Variants in CHN1 observed in about 807,000 individuals in gnomAD.
CHN1 encodes the protein chimerin 1.
A neutral mutation model predicts 59.5 loss-of-function variants in CHN1; 37 were observed. The observed-to-expected ratio is 0.62, with a 90% CI of 0.48 to 0.82. The LOEUF is 0.82. Ranked by LOEUF, CHN1 falls within the 40% of genes least tolerant of loss-of-function variation. CHN1 has a pLI of 0.00. For synonymous variants in CHN1, 206 were observed against 200.4 expected (o/e 1.03, Z -0.24); for missense variants, 469 against 571.0 (o/e 0.82, Z 1.82).
At chr2:174,936,905 C>G (rs2105394891) in intron 3 of CHN1, among the ~76,000 whole-genome samples, 1 of 152,232 alleles carries the variant, frequency 6.6e-6, no homozygotes, top group South Asian at 2.1e-4. Context: ...GCCTGGTCAT[C>G]TTCTTCCTTT....
intron 2 of CHN1, among the ~76,000 whole-genome samples, chr2:174,949,820 TC>T (rs1482277715): frequency 1.3e-5 from 2 of 152,252 alleles, no homozygotes; most frequent in Admixed American, 6.5e-5. Flanking sequence ...GAAGTTTTTT[TC>T]ATGTGACAAA....
At chr2:174,951,612 A>T (rs1690028194) in intron 2 of CHN1, among the ~76,000 whole-genome samples, 1 of 152,218 alleles carries the variant, frequency 6.6e-6, no homozygotes, top group African/African-American at 2.4e-5. Flanking sequence ...TCTAGAAAAC[A>T]AGGAAAGGAA....
chr2:174,865,519 T>A (rs1228990363), intron 6 of CHN1, among the ~76,000 whole-genome samples: 1 of 152,150 alleles, frequency 6.6e-6, no homozygotes, highest in Admixed American at 6.6e-5. Flanking sequence ...TACCTATCCC[T>A]AAAAGACTGC....
Position 174,944,895 on chromosome 2 carries a change from G to T in CHN1, c.107C>A (p.Thr36Asn). 6.3e-7 allele frequency: 1 copy of T among 1,581,754 alleles called. No homozygotes were observed. The highest frequency in any genetic ancestry group is 8.6e-7 in the Non-Finnish European group (1 of 1,162,184). ...EAPHPRRITC[T>N]CEVENRPKYY... Reference sequence around the variant, plus strand: ...CAGTTTCATTACACCCACCTCGCAAGTACAGGTAATTCTTCGAGGATGAGG... The same window carrying T: ...CAGTTTCATTACACCCACCTCGCAATTACAGGTAATTCTTCGAGGATGAGG... Residue 36 changes from threonine (T) to asparagine (N), a missense_variant, in exon 3 of 13, where the codon ACT becomes AAT. Coordinates refer to ENST00000409900, the MANE Select transcript of CHN1 (RefSeq NM_001822.7).
chr2:174,961,904 G>A (rs1397440475), intron 1 of CHN1, among the ~76,000 whole-genome samples: 2 of 152,126 alleles, frequency 1.3e-5, no homozygotes, highest in Non-Finnish European at 1.5e-5. Flanking sequence ...TCTCCCTCAG[G>A]AGTCCCTGGA....
At chr2:174,933,193 G>C (rs527857825) in intron 3 of CHN1, among the ~76,000 whole-genome samples, 18 of 152,212 alleles carry the variant, frequency 1.2e-4, no homozygotes, top group South Asian at 2.1e-4. Context: ...TATATATATA[G>C]GTATATAGGA....
intron 1 of CHN1, among the ~76,000 whole-genome samples, chr2:174,990,056 A>C (rs1691484866): frequency 6.6e-6 from 1 of 152,142 alleles, no homozygotes; most frequent in Non-Finnish European, 1.5e-5. Flanking sequence ...TACTTGAATA[A>C]AGGTAAAAGA....
chr2:174,827,930 T>A (rs185271478), intron 7 of CHN1, among the ~76,000 whole-genome samples: 11 of 152,244 alleles, frequency 7.2e-5, no homozygotes, highest in African/African-American at 2.6e-4. Flanking sequence ...AGGGGAAGGC[T>A]GACTCATAAG....
intron 3 of CHN1, among the ~76,000 whole-genome samples, chr2:174,931,858 G>C (rs1419766230): frequency 6.6e-6 from 1 of 152,172 alleles, no homozygotes; most frequent in Admixed American, 6.5e-5. Context: ...CGGGAGGGCT[G>C]AGAAAGGATC....
intron 4 of CHN1, among the ~76,000 whole-genome samples, chr2:174,917,086 G>A (rs903763810): frequency 2.0e-5 from 3 of 152,046 alleles, no homozygotes; most frequent in East Asian, 3.8e-4. Context: ...CCAGCTACTC[G>A]GGAGGCTGAG....
intron 1 of CHN1, among the ~76,000 whole-genome samples, chr2:174,955,142 ATC>A (rs1360197407): frequency 2.9e-5 from 4 of 138,580 alleles, no homozygotes; most frequent in African/African-American, 8.5e-5. Flanking sequence ...AGATCTATAT[ATC>A]TCTATATATC....
intron 3 of CHN1, among the ~76,000 whole-genome samples, chr2:174,923,820 T>C (rs1689086259): frequency 6.6e-6 from 1 of 152,248 alleles, no homozygotes. Context: ...ATTATGGTCT[T>C]ACATTACTAA....
At chr2:174,889,580 A>C (rs775903343) in intron 5 of CHN1, among the ~76,000 whole-genome samples, 13 of 152,296 alleles carry the variant, frequency 8.5e-5, no homozygotes, top group South Asian at 2.1e-4. Context: ...GAATACAATA[A>C]ATGGATTAAA....
At chr2:174,885,283 G>GAAAA (rs1296078594) in intron 5 of CHN1, among the ~76,000 whole-genome samples, 3,469 of 145,862 alleles carry the variant, frequency 0.024, 126 homozygotes, top group African/African-American at 0.082. Flanking sequence ...TCAAAAAAAA[G>GAAAA]AAAAAAAAAT....
intron 11 of CHN1, among the ~76,000 whole-genome samples, chr2:174,807,559 T>A (rs1343417203): frequency 6.7e-6 from 1 of 150,006 alleles, no homozygotes; most frequent in Non-Finnish European, 1.5e-5. Flanking sequence ...AGAGGAAATG[T>A]CTGCCCCATG....
At chr2:174,931,751 T>C (rs767150053) in intron 3 of CHN1, among the ~76,000 whole-genome samples, 2 of 152,214 alleles carry the variant, frequency 1.3e-5, no homozygotes, top group South Asian at 2.1e-4. Flanking sequence ...TAATTCCTAA[T>C]ATAGTGGTCA....
chr2:174,859,738 C>A (rs1208781486), intron 6 of CHN1, among the ~76,000 whole-genome samples: 1 of 152,264 alleles, frequency 6.6e-6, no homozygotes, highest in South Asian at 2.1e-4. Context: ...ACTTCCCTAT[C>A]CTCTCTCTAC....
chr2:174,963,939 T>C (rs1306088951), intron 1 of CHN1, among the ~76,000 whole-genome samples: 1 of 152,198 alleles, frequency 6.6e-6, no homozygotes, highest in Non-Finnish European at 1.5e-5. Flanking sequence ...TCCTCGAGAC[T>C]TGATGTAAAA....
At chr2:174,961,534 TGAGGTGA>T (rs1690408093) in intron 1 of CHN1, among the ~76,000 whole-genome samples, 1 of 151,514 alleles carries the variant, frequency 6.6e-6, no homozygotes, top group African/African-American at 2.4e-5. Context: ...GAGGTTGCAG[TGAGGTGA>T]GATTGCGCCA....
Sources: gnomAD v4.1 joint callset for allele counts (sites outside exome capture counted in the v4.1 genomes callset) on GRCh38, gnomAD v4.1.1 for gene constraint, MANE v1.5 for transcripts, NCBI Gene and HGNC (gene_info 2026-07-23, HGNC 2026-07-21) for gene names.